Variants in PGBD5 observed in about 807,000 individuals in gnomAD.
PGBD5 encodes piggyBac transposable element-derived protein 5.
Under a neutral mutation model 47.9 loss-of-function variants are expected in PGBD5, and 14 were observed. The observed-to-expected ratio is 0.29, with a 90% CI of 0.19 to 0.46. The LOEUF (loss-of-function observed/expected upper bound fraction) is 0.46, where lower values mean the gene tolerates loss of function less well. Ranked by LOEUF, PGBD5 falls within the 20% of genes least tolerant of loss-of-function variation. PGBD5 has a pLI of 1.00. For missense variants in PGBD5, 635 were observed against 716.0 expected, an observed-to-expected ratio of 0.89 and a Z score of 1.29; for synonymous variants, 316 against 306.3, an observed-to-expected ratio of 1.03 and a Z score of -0.33.
At chr1:230,381,930 A>G (rs1656508447) in intron 1 of PGBD5, among the ~76,000 whole-genome samples, 1 of 152,076 alleles carries the variant, frequency 6.6e-6, no homozygotes, top group Non-Finnish European at 1.5e-5. Context: ...GGCAAAATCT[A>G]GCTCAGCTGC....
At chr1:230,331,276 C>T (rs138719676) in intron 5 of PGBD5, among the ~76,000 whole-genome samples, 308 of 152,024 alleles carry the variant, frequency 2.0e-3, no homozygotes, top group Middle Eastern at 6.8e-3. Flanking sequence ...ATTAGCCGGG[C>T]GCAGCGGTAT....
chr1:230,404,245 G>C (rs1010125818), intron 1 of PGBD5, among the ~76,000 whole-genome samples: 2 of 152,272 alleles, frequency 1.3e-5, no homozygotes, highest in Middle Eastern at 3.4e-3. Context: ...CTCAGGGGCA[G>C]AGACAGGAGA....
rs1165236991 is a variant in PGBD5 at position 230,317,034 on chromosome 1, C to T, written c.*6391G>A. ...GTGCTAAGCCAGGTGCATGTGATGC[C>T]TGCCAAGCAAGGTGGAGGGTCTGGG... On this transcript the variant is annotated 3_prime_UTR_variant, in exon 7 of 7. Coordinates refer to ENST00000391860, the MANE Select transcript of PGBD5 (RefSeq NM_001258311.2). 1 of 152,276 alleles carries T rather than the reference C, an allele frequency of 6.6e-6. No homozygotes were observed. The highest frequency in any genetic ancestry group is 1.9e-4 in the East Asian group (1 of 5,178). 9.4% of individuals were successfully genotyped at this position (152,276 alleles called of 1,614,324 possible). A position where few individuals can be genotyped will look rare whatever the true frequency, so the allele number is the denominator to read the frequency against.
In PGBD5 at chr1:230,351,084, A is replaced by G. The variant is rs774774426; in HGVS notation, c.768T>C (p.His256=). ...AFRPSQTQVL[H]EPLIDEDPVF... ...CAGGATCCTCATCGATCAGGGGTTC[A>G]TGTAGCACCTGCCAGGAGGGAAAAA... is the stretch of plus-strand genomic sequence containing the variant. Residue 256 remains histidine, a synonymous_variant, in exon 3 of 7, where the codon CAT becomes CAC. Transcript: ENST00000391860. The G allele has an allele frequency of 1.9e-6, 3 of 1,612,810 alleles. No homozygotes were observed. In the South Asian group the frequency reaches 3.3e-5, roughly 18 times the overall value.
intron 5 of PGBD5, among the ~76,000 whole-genome samples, chr1:230,329,952 G>A (rs536122468): frequency 2.0e-5 from 3 of 152,238 alleles, no homozygotes; most frequent in Non-Finnish European, 2.9e-5. Context: ...CAACAGATCC[G>A]CCTATGAAGA....
chr1:230,407,419 A>G (rs1379940351), intron 1 of PGBD5, among the ~76,000 whole-genome samples: 1 of 151,420 alleles, frequency 6.6e-6, no homozygotes, highest in Non-Finnish European at 1.5e-5. Flanking sequence ...CATATTACGG[A>G]AAAAAAAACT....
intron 1 of PGBD5, among the ~76,000 whole-genome samples, chr1:230,409,132 G>T (rs1657361902): frequency 6.6e-6 from 1 of 152,294 alleles, no homozygotes; most frequent in South Asian, 2.1e-4. Flanking sequence ...AGTCATTCAG[G>T]AAACACAAGT....
rs1314455987 is a variant in PGBD5 at position 230,426,103 on chromosome 1, G to C, written c.-175C>G. 5.8e-6 allele frequency: 1 copy of C among 173,776 alleles called. No homozygotes were observed. The highest frequency in any genetic ancestry group is 2.0e-4 in the East Asian group (1 of 5,018). 10.8% of individuals were successfully genotyped at this position (173,776 alleles called of 1,614,324 possible). On this transcript the variant is annotated 5_prime_UTR_variant, in exon 1 of 7. Transcript: ENST00000391860. ...GGCCGCCTCGGGCCCAGCGCCCGGG[G>C]AAGCGCCCTCGGAGCTCGGGCGCCG...
chr1:230,325,262 G>A (rs571584531), intron 6 of PGBD5, 48 bp downstream of exon 6: 40 of 1,360,980 alleles, frequency 2.9e-5, no homozygotes, highest in African/African-American at 2.2e-4. Flanking sequence ...CTTCCGAGAC[G>A]GCACAACTAT....
rs141504229 is a variant in PGBD5, at chr1:230,390,257, G to A, written c.332-32936C>T. On this transcript the variant is annotated intron_variant, in intron 1 of 6. Coordinates refer to ENST00000391860, the MANE Select transcript of PGBD5 (RefSeq NM_001258311.2). ...TCCATGGTGAGCCTCTATCTTCCAG[G>A]TGAAAGGGACCCAGATGCTCTCTCA... Among the ~76,000 whole-genome samples, 46 of 152,212 alleles carry A rather than the reference G, an allele frequency of 3.0e-4. 2 individuals are homozygous for A. The East Asian group carries it at 6.2e-3, about 20-fold the overall frequency.
intron 1 of PGBD5, among the ~76,000 whole-genome samples, chr1:230,400,575 G>A (rs556177941): frequency 5.3e-5 from 8 of 152,310 alleles, no homozygotes; most frequent in African/African-American, 9.6e-5. Flanking sequence ...TATCCACTGC[G>A]TGGTCACCAA....
chr1:230,422,646 A>G (rs1309510815), intron 1 of PGBD5, among the ~76,000 whole-genome samples: 1 of 152,164 alleles, frequency 6.6e-6, no homozygotes, highest in Non-Finnish European at 1.5e-5. Context: ...GAGGTGAGAG[A>G]GGAGACAGAA....
In PGBD5 at chr1:230,354,482, AC is replaced by A. The variant is rs1474760489; in HGVS notation, c.759+2411del. Reference sequence around the variant, plus strand: ...AGAGAGCAAGGGAGTCAGGGGAGGGACCTATGATCAGCCCCTTAAACTTATT... The same window carrying A: ...AGAGAGCAAGGGAGTCAGGGGAGGGACTATGATCAGCCCCTTAAACTTATT... On this transcript the variant is annotated intron_variant, in intron 2 of 6. Transcript: ENST00000391860. Among the ~76,000 whole-genome samples, 625 of 152,288 alleles carry A rather than the reference AC, an allele frequency of 4.1e-3. 5 individuals carry two copies. Among genetic ancestry groups the A allele is most frequent in the African/African-American group, 0.014 (564 of 41,562 alleles).
At chr1:230,380,429 G>GGTTC (rs1193533594) in intron 1 of PGBD5, among the ~76,000 whole-genome samples, 1 of 152,218 alleles carries the variant, frequency 6.6e-6, no homozygotes, top group African/African-American at 2.4e-5. Context: ...GGCCCTGCAG[G>GGTTC]GTTCCTTCCA....
chr1:230,333,993 G>C (rs1667263843), intron 4 of PGBD5, among the ~76,000 whole-genome samples: 2 of 152,332 alleles, frequency 1.3e-5, no homozygotes, highest in Admixed American at 6.5e-5. Flanking sequence ...GAGACCCTGG[G>C]AGCAGTCTCA....
At chr1:230,386,441 C>G (rs1656640579) in intron 1 of PGBD5, among the ~76,000 whole-genome samples, 1 of 152,124 alleles carries the variant, frequency 6.6e-6, no homozygotes, top group South Asian at 2.1e-4. Context: ...GCCTCTCTGT[C>G]TGGTAATCTG....
intron 5 of PGBD5, among the ~76,000 whole-genome samples, chr1:230,331,684 G>A (rs577720037): frequency 7.3e-5 from 11 of 150,870 alleles, no homozygotes; most frequent in African/African-American, 2.2e-4. Context: ...TTGGTAGATG[G>A]GGATCTTTCT....
At chr1:230,409,472 T>A (rs539766872) in intron 1 of PGBD5, among the ~76,000 whole-genome samples, 1 of 152,252 alleles carries the variant, frequency 6.6e-6, no homozygotes, top group Admixed American at 6.5e-5. Flanking sequence ...AACTGATGAA[T>A]AAATAAAATG....
chr1:230,396,563 C>CT (rs1219186796), intron 1 of PGBD5, among the ~76,000 whole-genome samples: 1 of 137,900 alleles, frequency 7.3e-6, no homozygotes, highest in South Asian at 2.7e-4. Flanking sequence ...TTTGTTGCCC[C>CT]CCCTCCCCCT....
Sources: allele counts gnomAD v4.1 joint callset (sites outside exome capture counted in the v4.1 genomes callset), GRCh38; gene constraint gnomAD v4.1.1; transcripts MANE v1.5; gene names NCBI Gene and HGNC (gene_info 2026-07-23, HGNC 2026-07-21).